CAMK1D: variants seen among roughly 807,000 people sequenced by gnomAD.
The protein encoded by CAMK1D is calcium/calmodulin-dependent protein kinase type 1D.
CAMK1D carries 9 observed loss-of-function variants against 47.7 expected under a neutral mutation model. That is an observed-to-expected ratio of 0.19 (90% confidence interval 0.11 to 0.33). The LOEUF is 0.33. CAMK1D is among the 10% of genes least tolerant of loss of function. The pLI is 1.00. For synonymous variants in CAMK1D, 184 were observed against 184.9 expected, an observed-to-expected ratio of 0.99 and a Z score of 0.04; for missense variants, 291 against 488.7, an observed-to-expected ratio of 0.60 and a Z score of 3.81.
intron 3 of CAMK1D, among the ~76,000 whole-genome samples, chr10:12,734,385 GATAT>G (rs1446142372): frequency 4.3e-5 from 2 of 47,022 alleles, no homozygotes; most frequent in Non-Finnish European, 7.6e-5. Context: ...TATAGATATA[GATAT>G]AGATATATAT....
At chr10:12,657,500 A>G (rs183300178) in intron 2 of CAMK1D, among the ~76,000 whole-genome samples, 78 of 152,348 alleles carry the variant, frequency 5.1e-4, no homozygotes, top group African/African-American at 1.9e-3. Flanking sequence ...CAGTTTAGCA[A>G]CTTGACTGTT....
rs56144628 is a variant in CAMK1D at position 12,791,213 on chromosome 10, C to T, written c.621C>T (p.Ile207=). Residue 207 remains isoleucine (I), a synonymous_variant, in exon 6 of 11, where the codon ATC becomes ATT. Transcript: ENST00000619168. The part of the protein sequence containing the change: ...PYSKAVDCWS[I]GVIAYILLCG... ...GCAAAGCCGTTGACTGCTGGTCCAT[C>T]GGAGTGATTGCCTACATCTTGTAAG... 3.7e-3 allele frequency: 5,925 copies of T among 1,614,114 alleles called. 91 individuals are homozygous for T. The highest frequency in any genetic ancestry group is 0.033 in the South Asian group (3,027 of 91,070).
chr10:12,433,243 T>G (rs1256247198), intron 1 of CAMK1D, among the ~76,000 whole-genome samples: 1 of 152,176 alleles, frequency 6.6e-6, no homozygotes, highest in Non-Finnish European at 1.5e-5. Flanking sequence ...GCTGCTTTTT[T>G]GCCTACCACG....
chr10:12,670,999 G>C (rs1840598981), intron 3 of CAMK1D, among the ~76,000 whole-genome samples: 1 of 151,990 alleles, frequency 6.6e-6, no homozygotes, highest in Non-Finnish European at 1.5e-5. Context: ...ACTTATCTTT[G>C]GTCCCTATGG....
chr10:12,515,068 G>A (rs1835152345), intron 1 of CAMK1D, among the ~76,000 whole-genome samples: 1 of 151,072 alleles, frequency 6.6e-6, no homozygotes, highest in South Asian at 2.1e-4. Flanking sequence ...TCGCCATGTT[G>A]GCCAGGCTGG....
At chr10:12,719,387 A>G (rs2130779251) in intron 3 of CAMK1D, among the ~76,000 whole-genome samples, 1 of 151,840 alleles carries the variant, frequency 6.6e-6, no homozygotes. Flanking sequence ...CAGCCTGGGC[A>G]ACAGAGTGAG....
chr10:12,415,390 G>A (rs1475779630), intron 1 of CAMK1D, among the ~76,000 whole-genome samples: 1 of 151,236 alleles, frequency 6.6e-6, no homozygotes, highest in Non-Finnish European at 1.5e-5. Context: ...CCAGGTTCAA[G>A]CGATTCTCCT....
At chr10:12,578,447 G>C (rs1446238506) in intron 2 of CAMK1D, among the ~76,000 whole-genome samples, 1 of 151,356 alleles carries the variant, frequency 6.6e-6, no homozygotes, top group Non-Finnish European at 1.5e-5. Context: ...GTGCATCCCT[G>C]TAATCCTAGC....
chr10:12,459,431 C>T (rs954751282), intron 1 of CAMK1D, among the ~76,000 whole-genome samples: 2 of 151,942 alleles, frequency 1.3e-5, no homozygotes, highest in Non-Finnish European at 1.5e-5. Flanking sequence ...ATTACTGTGA[C>T]GAGTCTATTT....
intron 1 of CAMK1D, among the ~76,000 whole-genome samples, chr10:12,461,701 A>G (rs1054488923): frequency 1.3e-5 from 2 of 151,340 alleles, no homozygotes; most frequent in African/African-American, 2.5e-5. Flanking sequence ...AAAAAAAAAA[A>G]AAAAAAGAAG....
chr10:12,574,505 A>G lies in CAMK1D; in HGVS notation c.224+21149A>G, dbSNP rs1205976069. 5.8e-5 allele frequency among the ~76,000 whole-genome samples: 6 copies of G among 103,318 alleles called. No individual in the cohort carries two copies. In the East Asian group the frequency reaches 1.7e-3, roughly 29 times the overall value. The allele number at this position is 103,318 out of a possible 152,430, so 67.8% of individuals were successfully genotyped here. A position where few individuals can be genotyped will look rare whatever the true frequency, so the allele number is the denominator to read the frequency against. ...TTTTTTTTTTTTTTTTTTAGTAGAG[A>G]CGGGGCTTCGCCATGTTGCCCAGGC... On this transcript the variant is annotated intron_variant, in intron 2 of 10. Coordinates refer to ENST00000619168, the MANE Select transcript of CAMK1D (RefSeq NM_153498.4).
chr10:12,636,694 C>T (rs933474549), intron 2 of CAMK1D, among the ~76,000 whole-genome samples: 2 of 152,160 alleles, frequency 1.3e-5, no homozygotes, highest in African/African-American at 4.8e-5. Flanking sequence ...TGAAGTTATA[C>T]AGCCAGCAGA....
chr10:12,445,744 T>C (rs1300061831), intron 1 of CAMK1D, among the ~76,000 whole-genome samples: 1 of 152,242 alleles, frequency 6.6e-6, no homozygotes, highest in Non-Finnish European at 1.5e-5. Context: ...CAGAGAATTA[T>C]ATTGCTCATT....
intron 4 of CAMK1D, among the ~76,000 whole-genome samples, chr10:12,764,383 A>AAAAAAAAAAAC (rs1453117031): frequency 3.4e-5 from 5 of 148,144 alleles, no homozygotes; most frequent in African/African-American, 1.2e-4. Flanking sequence ...CTTTGTCTCA[A>AAAAAAAAAAAC]AAAAAAAAAA....
intron 2 of CAMK1D, among the ~76,000 whole-genome samples, chr10:12,567,589 C>T (rs989423338): frequency 6.6e-6 from 1 of 152,194 alleles, no homozygotes; most frequent in African/African-American, 2.4e-5. Flanking sequence ...GAAGTTTTCA[C>T]GCAGGTGTTC....
chr10:12,781,927 C>T (rs761635142), intron 5 of CAMK1D, among the ~76,000 whole-genome samples: 1 of 151,200 alleles, frequency 6.6e-6, no homozygotes, highest in South Asian at 2.1e-4. Flanking sequence ...GGATTACAGG[C>T]GTAAGCCACC....
Position 12,541,869 on chromosome 10 carries a change from TCCTTCCTTCCTTCCTTCC to T in CAMK1D, c.93-11355_93-11338del, listed in dbSNP as rs1227436087. Among the ~76,000 whole-genome samples, 9 of 148,342 alleles carry T rather than the reference TCCTTCCTTCCTTCCTTCC, an allele frequency of 6.1e-5. No homozygotes were observed. In the South Asian group the frequency reaches 6.5e-4, roughly 11 times the overall value. On this transcript the variant is annotated intron_variant, in intron 1 of 10. Coordinates refer to ENST00000619168, the MANE Select transcript of CAMK1D (RefSeq NM_153498.4). ...TTCCTTCCTTCCTTCCTTCCTTCCT[TCCTTCCTTCCTTCCTTCC>T]TTTTTTTTTTTCAGGTCTCTCTTTG... is the stretch of plus-strand genomic sequence containing the variant.
intron 5 of CAMK1D, among the ~76,000 whole-genome samples, chr10:12,770,945 G>A (rs1248428347): frequency 6.6e-6 from 1 of 151,984 alleles, no homozygotes; most frequent in Non-Finnish European, 1.5e-5. Flanking sequence ...GGGGGGTGTG[G>A]TAGGGTACTG....
intron 1 of CAMK1D, among the ~76,000 whole-genome samples, chr10:12,427,735 T>C (rs1335000237): frequency 3.1e-5 from 4 of 127,322 alleles, no homozygotes; most frequent in Admixed American, 9.5e-5. Context: ...TGAGACGGAG[T>C]CTTGCTCTTT....
Sources: allele counts gnomAD v4.1 joint callset (sites outside exome capture counted in the v4.1 genomes callset), GRCh38; gene constraint gnomAD v4.1.1; transcripts MANE v1.5; gene names NCBI Gene and HGNC (gene_info 2026-07-23, HGNC 2026-07-21).